Variants in SHISA5 observed in about 807,000 individuals in gnomAD.
SHISA5 encodes the protein shisa family member 5, also known as protein shisa-5.
A neutral mutation model predicts 27.5 loss-of-function variants in SHISA5; 21 were observed. That is an observed-to-expected ratio of 0.76 (90% CI 0.54 to 1.10). The LOEUF (loss-of-function observed/expected upper bound fraction) is 1.10. Ranked by LOEUF, SHISA5 falls within the 50% of genes least tolerant of loss-of-function variation. The pLI is 0.00. For synonymous variants in SHISA5, 137 were observed against 142.2 expected (o/e 0.96, Z 0.26); for missense variants, 314 against 336.3 (o/e 0.93, Z 0.52).
chr3:48,493,908 GA>G (rs1356522459), intron 2 of SHISA5, among the ~76,000 whole-genome samples: 1 of 147,576 alleles, frequency 6.8e-6, no homozygotes, highest in Non-Finnish European at 1.5e-5. Flanking sequence ...TGTATATATT[GA>G]ATGGCTAAAT....
At chr3:48,483,945 G>C (rs2041117579) in intron 2 of SHISA5, among the ~76,000 whole-genome samples, 1 of 152,272 alleles carries the variant, frequency 6.6e-6, no homozygotes, top group African/African-American at 2.4e-5. Flanking sequence ...TGAAACTCCT[G>C]GACTCAAGTG....
intron 2 of SHISA5, among the ~76,000 whole-genome samples, chr3:48,497,025 T>G (rs547167227): frequency 6.6e-6 from 1 of 150,470 alleles, no homozygotes; most frequent in Non-Finnish European, 1.5e-5. Context: ...AGGCCAAGAG[T>G]TTGAGACCAG....
At chr3:48,497,562 G>GA (rs943976960) in intron 2 of SHISA5, among the ~76,000 whole-genome samples, 29 of 151,090 alleles carry the variant, frequency 1.9e-4, no homozygotes, top group Admixed American at 5.3e-4. Flanking sequence ...CACCCGGCCA[G>GA]AAAAAAACAA....
intron 2 of SHISA5, among the ~76,000 whole-genome samples, chr3:48,486,592 T>C (rs1022198985): frequency 6.9e-5 from 9 of 130,796 alleles, no homozygotes; most frequent in Non-Finnish European, 1.1e-4. Context: ...ATATTATATA[T>C]ATAGATTATA....
upstream of SHISA5, chr3:48,504,203 CG>C (rs2041837503): frequency 2.2e-6 from 1 of 447,470 alleles, no homozygotes; most frequent in South Asian, 1.0e-4. The surrounding 1 kb of genome is among the most constrained non-coding windows in gnomAD (Gnocchi z 4.0). Context: ...CGCCCCGGCC[CG>C]GCTGGTTCCC....
rs1328472129 is a variant in SHISA5 at position 48,494,299 on chromosome 3, C to CT, written c.233+6837dup. On this transcript the variant is annotated intron_variant, in intron 2 of 5. Transcript: ENST00000296444. ...ATAAATGACAGGATTTCTGGATTTC[C>CT]TTTTTTTTTTTTTTTTTGAGATGGA... Among the ~76,000 whole-genome samples, 804 of 129,698 alleles carry CT rather than the reference C, an allele frequency of 6.2e-3. 28 individuals carry two copies. Among genetic ancestry groups the CT allele is most frequent in the East Asian group, 0.038 (183 of 4,874 alleles). The allele number at this position is 129,698 out of a possible 152,430, so 85.1% of individuals were successfully genotyped here.
At chr3:48,478,006 T>C (rs999505736) in intron 3 of SHISA5, among the ~76,000 whole-genome samples, 5 of 152,194 alleles carry the variant, frequency 3.3e-5, no homozygotes, top group African/African-American at 1.2e-4. Flanking sequence ...TAAAACTCCA[T>C]TCGGTCCCCA....
chr3:48,469,155 C>T lies in SHISA5; in HGVS notation c.675G>A (p.Gln225=). The T allele has an allele frequency of 6.2e-7, 1 of 1,612,930 alleles. No homozygotes were observed. The highest frequency in any genetic ancestry group is 8.5e-7 in the Non-Finnish European group (1 of 1,180,006). ...CCATGTAGGCCGGGTTGTAAGGAGG[C>T]TGGCTGGCGGGGTAGGGCGCGGCTG... is the stretch of plus-strand genomic sequence containing the variant. The part of the protein sequence containing the change: ...GGAAAPYPAS[Q]PPYNPAYMDA... The change falls in exon 6 of 6, where the codon CAG becomes CAA. Residue 225 remains glutamine, a synonymous_variant. Coordinates refer to ENST00000296444, the MANE Select transcript of SHISA5 (RefSeq NM_016479.6). This position sits in a 1 kb window ranked among gnomAD's most constrained non-coding sequence, Gnocchi z 4.6.
intron 2 of SHISA5, among the ~76,000 whole-genome samples, chr3:48,500,141 C>T (rs1339377199): frequency 1.3e-5 from 2 of 152,174 alleles, no homozygotes; most frequent in East Asian, 3.9e-4. Flanking sequence ...TGTGGATTCA[C>T]ACCATTCAGA....
chr3:48,487,239 T>G (rs1401117764), intron 2 of SHISA5, among the ~76,000 whole-genome samples: 1 of 152,138 alleles, frequency 6.6e-6, no homozygotes, highest in Non-Finnish European at 1.5e-5. Flanking sequence ...GGAATCAATA[T>G]CTTTAAAATA....
rs930281070 is a variant in SHISA5 at position 48,493,389 on chromosome 3, C to T, written c.233+7748G>A. On this transcript the variant is annotated intron_variant, in intron 2 of 5. Transcript: ENST00000296444. ...AGGCTGCAGTGAGCTGAGACTGTGCCGCTGCAGTGAGCTGAGACTGTGCCA... is the reference window on the plus strand; with the variant it reads ...AGGCTGCAGTGAGCTGAGACTGTGCTGCTGCAGTGAGCTGAGACTGTGCCA... Among the ~76,000 whole-genome samples the T allele has an allele frequency of 9.6e-5, 14 of 146,570 alleles. 1 individual carries two copies. The South Asian group carries it at 2.1e-3, about 22-fold the overall frequency.
rs925147492 is a variant in SHISA5 at position 48,480,964 on chromosome 3, G to A, written c.234-1707C>T. 4.0e-5 allele frequency among the ~76,000 whole-genome samples: 6 copies of A among 150,506 alleles called. No homozygotes were observed. In the East Asian group the frequency reaches 6.0e-4, roughly 15 times the overall value. The stretch of plus-strand genomic sequence containing the variant: ...ACAAAAATTAGCCAGGCGTGGTGGC[G>A]GGCACCTGTAATCCCAGCTACTCTG... On this transcript the variant is annotated intron_variant, in intron 2 of 5. Transcript: ENST00000296444.
In SHISA5 at chr3:48,472,196, A is replaced by T. The variant is rs546113368; in HGVS notation, c.315-2353T>A. 1.1e-3 allele frequency among the ~76,000 whole-genome samples: 162 copies of T among 151,890 alleles called. 3 individuals carry two copies. In the South Asian group the frequency reaches 0.033, roughly 31 times the overall value. On this transcript the variant is annotated intron_variant, in intron 3 of 5. Transcript: ENST00000296444. ...ACTCCGTCTCAAAAAATTAAAAAAT[A>T]AAATAAATAGGCCAGGCGCAGTGGT...
At chr3:48,472,225 T>C (rs2040655465) in intron 3 of SHISA5, among the ~76,000 whole-genome samples, 1 of 151,412 alleles carries the variant, frequency 6.6e-6, no homozygotes, top group African/African-American at 2.4e-5. Flanking sequence ...CAGTGGTTCA[T>C]GCCTGTAATC....
chr3:48,501,131 A>T lies in SHISA5; in HGVS notation c.233+6T>A, dbSNP rs369515782. ...CACCCACCCTGTGACCCACTGGTGC[A>T]CCCACCTGGCCTCAGGCACAGCACA... is the stretch of plus-strand genomic sequence containing the variant. On this transcript the variant is annotated splice_donor_region_variant and intron_variant, in intron 2 of 5. Transcript: ENST00000296444. The T allele has an allele frequency of 1.7e-5, 28 of 1,608,768 alleles. No homozygotes were observed. Among genetic ancestry groups the T allele is most frequent in the Non-Finnish European group, 2.3e-5 (27 of 1,177,352 alleles).
At chr3:48,476,613 T>A (rs974805676) in intron 3 of SHISA5, among the ~76,000 whole-genome samples, 1 of 152,132 alleles carries the variant, frequency 6.6e-6, no homozygotes, top group Non-Finnish European at 1.5e-5. Context: ...AGAGGATGTC[T>A]CCTTGGGACC....
Position 48,473,713 on chromosome 3 carries a change from T to A in SHISA5, c.315-3870A>T. On this transcript the variant is annotated intron_variant, in intron 3 of 5. Coordinates refer to ENST00000296444, the MANE Select transcript of SHISA5 (RefSeq NM_016479.6). This position sits in a 1 kb window ranked among gnomAD's most constrained non-coding sequence, Gnocchi z 4.3. ...CAAAGGAATTTGCTTTATAATTACA[T>A]GTTAAACTGAGTGTGTCTGTGCTTT... 1.8e-6 allele frequency: 1 copy of A among 542,278 alleles called. No individual in the cohort carries two copies. Among genetic ancestry groups the A allele is most frequent in the Non-Finnish European group, 2.4e-6 (1 of 425,488 alleles). The allele number at this position is 542,278 out of a possible 1,614,324, so 33.6% of individuals were successfully genotyped here. A position where few individuals can be genotyped will look rare whatever the true frequency, so the allele number is the denominator to read the frequency against.
chr3:48,494,607 T>C (rs1325573679), intron 2 of SHISA5, among the ~76,000 whole-genome samples: 3 of 147,702 alleles, frequency 2.0e-5, no homozygotes, highest in Admixed American at 2.0e-4. Context: ...TTCCTTCTTT[T>C]TAAGGCTGAA....
intron 2 of SHISA5, 21 bp from the exon 3 acceptor site, chr3:48,479,278 G>A: frequency 6.3e-7 from 1 of 1,595,270 alleles, no homozygotes. Context: ...GAAACCTTGT[G>A]ATTAGCACAA....
Sources: gnomAD v4.1 joint callset for allele counts (sites outside exome capture counted in the v4.1 genomes callset) on GRCh38, gnomAD v4.1.1 for gene constraint, Gnocchi (gnomAD v3.1) non-coding constraint, MANE v1.5 for transcripts, NCBI Gene and HGNC (gene_info 2026-07-23, HGNC 2026-07-21) for gene names.